The following BRD4 variants were observed in gnomAD, a reference collection of about 807,000 sequenced individuals.
The protein encoded by BRD4 is bromodomain containing 4, also known as bromodomain-containing protein 4.
A neutral mutation model predicts 142.1 loss-of-function variants in BRD4; 16 were observed. The observed-to-expected ratio is 0.11, with a 90% CI of 0.08 to 0.17. BRD4 has a LOEUF of 0.17. BRD4 is among the 10% of genes least tolerant of loss of function. The pLI is 1.00. For missense variants in BRD4, 1,424 were observed against 1,810.9 expected, an observed-to-expected ratio of 0.79 and a Z score of 3.88; for synonymous variants, 833 against 707.5, an observed-to-expected ratio of 1.18 and a Z score of -2.82.
chr19:15,238,500 A>T lies in BRD4; in HGVS notation c.4021-55T>A. 6.2e-7 allele frequency: 1 copy of T among 1,612,156 alleles called. No homozygotes were observed. Among genetic ancestry groups the T allele is most frequent in the Non-Finnish European group, 8.5e-7 (1 of 1,179,392 alleles). Reference sequence around the variant, plus strand: ...AGGATGACCTAGCCACCCTGCAGCTACAAGCCCTCATACCCGCTACCAGCA... The same window carrying T: ...AGGATGACCTAGCCACCCTGCAGCTTCAAGCCCTCATACCCGCTACCAGCA... On this transcript the variant is annotated intron_variant, in intron 19 of 19. Transcript: ENST00000679869. The surrounding 1 kb of genome is among the most constrained non-coding windows in gnomAD (Gnocchi z 7.2).
At chr19:15,280,193 C>T (rs926551980) in intron 1 of BRD4, 11 of 955,314 alleles carry the variant, frequency 1.2e-5, no homozygotes, top group African/African-American at 1.8e-5. Flanking sequence ...TGGATGGTGG[C>T]CTGGTTGGCT....
At chr19:15,297,837 T>A (rs1453628739) in intron 1 of BRD4, among the ~76,000 whole-genome samples, 1 of 152,132 alleles carries the variant, frequency 6.6e-6, no homozygotes, top group Non-Finnish European at 1.5e-5. Flanking sequence ...AATGGCAGCA[T>A]ATAAGGACCA....
Position 15,244,709 on chromosome 19 carries a change from CCTT to C in BRD4, c.2209_2211del (p.Lys737del), listed in dbSNP as rs777735327. 4 of 1,614,166 alleles carry C rather than the reference CCTT, an allele frequency of 2.5e-6. No homozygotes were observed. Among genetic ancestry groups the C allele is most frequent in the East Asian group, 2.2e-5 (1 of 44,880 alleles). ...TGAAGGATGCCCCTGAGCCCATGTA[CCTT>C]CTTCTGCTCCCTCCCGGGGTGCCCC... On this transcript the variant is annotated inframe_deletion and splice_region_variant, in exon 12 of 20. Transcript: ENST00000679869.
chr19:15,240,161 C>T (rs769388032), intron 14 of BRD4, 139 bp from the exon 15 acceptor site: 12 of 1,343,754 alleles, frequency 8.9e-6, no homozygotes, highest in Admixed American at 2.8e-5. Context: ...TCCATTAGCC[C>T]AGCTCAAAAA....
intron 7 of BRD4, among the ~76,000 whole-genome samples, chr19:15,260,413 G>A (rs1020471831): frequency 2.0e-5 from 3 of 152,194 alleles, no homozygotes; most frequent in Non-Finnish European, 4.4e-5. Flanking sequence ...CTGATGCAGA[G>A]AAAGTAGAGA....
intron 6 of BRD4, 105 bp downstream of exon 6, chr19:15,264,299 G>A (rs537761994): frequency 2.3e-5 from 33 of 1,453,290 alleles, no homozygotes; most frequent in East Asian, 4.7e-5. Context: ...CGCAGCCACC[G>A]TTCCAGGGCC....
At chr19:15,255,776 C>T (rs1159443522) in intron 9 of BRD4, among the ~76,000 whole-genome samples, 184 bp from the exon 10 acceptor site, 1 of 152,230 alleles carries the variant, frequency 6.6e-6, no homozygotes, top group African/African-American at 2.4e-5. Flanking sequence ...CCGAAGCAAA[C>T]TGTGACTGGA....
At chr19:15,249,396 G>C in intron 11 of BRD4, 1 of 1,582,068 alleles carries the variant, frequency 6.3e-7, no homozygotes, top group South Asian at 1.1e-5. Flanking sequence ...CCTGCGCCCT[G>C]GTGGCTGATG....
rs766956392 is a variant in BRD4, at chr19:15,244,716, C to T, written c.2205G>A (p.Gln735=). The T allele has an allele frequency of 1.2e-6, 2 of 1,614,204 alleles. No individual in the cohort carries two copies. The highest frequency in any genetic ancestry group is 3.3e-5 in the Admixed American group (2 of 60,028). The part of the protein sequence containing the change: ...SKKKGHPGRE[Q]KKHHHHHHQQ... ...TGCCCCTGAGCCCATGTACCTTCTT[C>T]TGCTCCCTCCCGGGGTGCCCCTTCT... The change falls in exon 12 of 20, where the codon CAG becomes CAA. Residue 735 remains glutamine, a synonymous_variant. Transcript: ENST00000679869.
chr19:15,316,121 A>G lies in BRD4; in HGVS notation c.-35+16169T>C, dbSNP rs1426747711. 1.5e-5 allele frequency among the ~76,000 whole-genome samples: 2 copies of G among 135,632 alleles called. 1 individual carries two copies. Among genetic ancestry groups the G allele is most frequent in the African/African-American group, 5.8e-5 (2 of 34,716 alleles). 89.0% of individuals were successfully genotyped at this position (135,632 alleles called of 152,430 possible). A position where few individuals can be genotyped will look rare whatever the true frequency, so the allele number is the denominator to read the frequency against. On this transcript the variant is annotated intron_variant, in intron 1 of 19. Transcript: ENST00000679869. ...CAGTGAGCCGAGATCGCGCCACTGC[A>G]CTCCAGACTGGGCGACAGAGCGAGA...
intron 11 of BRD4, chr19:15,249,051 C>T (rs924832699): frequency 3.2e-6 from 2 of 625,536 alleles, no homozygotes; most frequent in South Asian, 2.0e-5. Context: ...AGTCTTTACA[C>T]AGAGAGGCCT....
rs1347249688 is a variant in BRD4 at position 15,264,410 on chromosome 19, T to C, written c.1206A>G (p.Thr402=). The change falls in exon 6 of 20, where the codon ACA becomes ACG. Residue 402 remains threonine (T), a synonymous_variant. Coordinates refer to ENST00000679869, the MANE Select transcript of BRD4 (RefSeq NM_001379291.1). ...TCAGGCACATCCCGCTAACCTTGAT[T>C]GTGCTCATGTCCATGGGGTGCTTGA... ...DIIKHPMDMS[T]IKSKLEAREY... The C allele has an allele frequency of 1.9e-6, 3 of 1,600,258 alleles. No individual in the cohort carries two copies. The highest frequency in any genetic ancestry group is 2.7e-5 in the African/African-American group (2 of 74,716).
chr19:15,243,347 G>A lies in BRD4; in HGVS notation c.2722C>T (p.Pro908Ser), dbSNP rs752579428. The A allele has an allele frequency of 2.2e-6, 3 of 1,335,634 alleles. No individual in the cohort carries two copies. The highest frequency in any genetic ancestry group is 2.9e-6 in the Non-Finnish European group (3 of 1,030,234). The allele number at this position is 1,335,634 out of a possible 1,614,324, so 82.7% of individuals were successfully genotyped here. ...TCATCCTCCAGCAGCACTTGGGGGG[G>A]TTGGGCCATGGGGGGCTGTGGGAGC... ...PLLPQPPMAQ[P>S]PQVLLEDEEP... The change falls in exon 14 of 20, where the codon CCC becomes TCC. Residue 908 changes from proline (P) to serine (S), a missense_variant. Pro to Ser is a moderately conservative substitution (Grantham distance 74). This residue lies in a region of BRD4 where 598 missense variants were observed against 647.8 expected (regional missense o/e 0.92). Coordinates refer to ENST00000679869, the MANE Select transcript of BRD4 (RefSeq NM_001379291.1).
chr19:15,269,837 G>A (rs1012289964), intron 2 of BRD4, among the ~76,000 whole-genome samples: 5 of 152,202 alleles, frequency 3.3e-5, no homozygotes, highest in African/African-American at 1.2e-4. Flanking sequence ...ATCAAACCAC[G>A]TTATTCTCAC....
At chr19:15,328,911 T>C (rs898382157) in intron 1 of BRD4, among the ~76,000 whole-genome samples, 1 of 152,164 alleles carries the variant, frequency 6.6e-6, no homozygotes, top group African/African-American at 2.4e-5. Context: ...GTAGCTGGGA[T>C]TACAGGCATG....
At chr19:15,321,052 G>A (rs574748735) in intron 1 of BRD4, among the ~76,000 whole-genome samples, 130 of 152,232 alleles carry the variant, frequency 8.5e-4, no homozygotes, top group African/African-American at 3.1e-3. Context: ...TGGCCAACGG[G>A]GTGAAACCCT....
intron 2 of BRD4, 88 bp from the exon 3 acceptor site, chr19:15,269,130 C>A: frequency 2.0e-6 from 3 of 1,477,918 alleles, no homozygotes; most frequent in Non-Finnish European, 2.7e-6. Context: ...GGGGACCTCA[C>A]CCCTGGCTGC....
At chr19:15,318,127 A>G (rs372203725) in intron 1 of BRD4, among the ~76,000 whole-genome samples, 17 of 152,336 alleles carry the variant, frequency 1.1e-4, no homozygotes, top group East Asian at 7.7e-4. Flanking sequence ...TACAAAATAG[A>G]AAGGGGAAAC....
Position 15,256,966 on chromosome 19 carries a change from G to T in BRD4, c.1549C>A (p.Gln517Lys). The change falls in exon 8 of 20, where the codon CAG (glutamine) becomes AAG (lysine). Residue 517 changes from glutamine (Q) to lysine (K), a missense_variant and splice_region_variant. Physicochemically the swap from Gln to Lys is moderately conservative, Grantham distance 53. Around this residue, in one of 16 missense-constraint regions of BRD4, gnomAD observed 90 missense variants for 93.2 expected, o/e 0.97. Transcript: ENST00000679869. ...AATGGAGCCACCAATGCCCTCACCTGCTCCTGGAGCTCAGCCAGCCGCTGG... is the reference window on the plus strand; with the variant it reads ...AATGGAGCCACCAATGCCCTCACCTTCTCCTGGAGCTCAGCCAGCCGCTGG... ...RAQRLAELQE[Q>K]LKAVHEQLAA... is the part of the protein sequence containing the mutation. 1 of 1,567,018 alleles carries T rather than the reference G, an allele frequency of 6.4e-7. No homozygotes were observed.
Sources: gnomAD v4.1 joint callset for allele counts (sites outside exome capture counted in the v4.1 genomes callset) on GRCh38, gnomAD v4.1.1 for gene constraint, gnomAD v4.1.1 regional missense constraint, Gnocchi (gnomAD v3.1) non-coding constraint, MANE v1.5 for transcripts, NCBI Gene and HGNC (gene_info 2026-07-23, HGNC 2026-07-21) for gene names.